The following CNGB3 variants were observed in gnomAD, a reference collection of about 807,000 sequenced individuals.
CNGB3 encodes the protein cyclic nucleotide gated channel subunit beta 3.
CNGB3 carries 86 observed loss-of-function variants against 92.8 expected under a neutral mutation model. The ratio of observed to expected loss-of-function variants is 0.93; its 90% CI spans 0.78 to 1.11. The LOEUF (loss-of-function observed/expected upper bound fraction) is 1.11, where lower values mean the gene tolerates loss of function less well. Ranked by LOEUF, CNGB3 falls within the 50% of genes least tolerant of loss-of-function variation. CNGB3 has a pLI of 0.00. For missense variants in CNGB3, 1,026 were observed against 956.8 expected (o/e 1.07, Z -0.95); for synonymous variants, 333 against 332.7 (o/e 1.00, Z -0.01).
chr8:86,580,349 A>C (rs1821740043), intron 15 of CNGB3, among the ~76,000 whole-genome samples: 1 of 152,204 alleles, frequency 6.6e-6, no homozygotes, highest in African/African-American at 2.4e-5. Flanking sequence ...CACTTCTGTC[A>C]GTAATCTCTT....
chr8:86,674,295 A>G (rs1301189006), intron 3 of CNGB3, among the ~76,000 whole-genome samples: 21 of 152,256 alleles, frequency 1.4e-4, no homozygotes. Context: ...GTAGTGTGCA[A>G]ACCCACCTCA....
intron 3 of CNGB3, among the ~76,000 whole-genome samples, chr8:86,683,080 G>A (rs1400746783): frequency 6.6e-5 from 10 of 152,034 alleles, no homozygotes; most frequent in Admixed American, 6.6e-4. Context: ...TTCCTTGACT[G>A]GAAAATATTT....
chr8:86,618,139 C>T (rs779383432), intron 13 of CNGB3, among the ~76,000 whole-genome samples: 1 of 152,182 alleles, frequency 6.6e-6, no homozygotes. Flanking sequence ...TCTAATGCCA[C>T]TGCTGATCTG....
At chr8:86,584,262 T>A (rs773636175) in intron 15 of CNGB3, among the ~76,000 whole-genome samples, 1 of 152,194 alleles carries the variant, frequency 6.6e-6, no homozygotes, top group Non-Finnish European at 1.5e-5. Context: ...AGGACAATGA[T>A]TGGATGAGTC....
At chr8:86,691,343 T>C (rs4960989) in intron 3 of CNGB3, among the ~76,000 whole-genome samples, 105,196 of 152,012 alleles carry the variant, frequency 0.69, 37,245 homozygotes, top group African/African-American at 0.84. Flanking sequence ...TTCTTCTTTA[T>C]CAATTTGGAT....
chr8:86,595,826 A>G (rs1229424187), intron 15 of CNGB3, among the ~76,000 whole-genome samples: 1 of 152,236 alleles, frequency 6.6e-6, no homozygotes, highest in Non-Finnish European at 1.5e-5. Flanking sequence ...ATAGACAATA[A>G]TGATTTAAAG....
At chr8:86,664,319 A>G (rs1236081592) in intron 6 of CNGB3, among the ~76,000 whole-genome samples, 2 of 152,256 alleles carry the variant, frequency 1.3e-5, no homozygotes, top group African/African-American at 4.8e-5. Flanking sequence ...CCTTCTGAAG[A>G]TTCAACAGAA....
chr8:86,612,294 T>C (rs1287553873), intron 13 of CNGB3, among the ~76,000 whole-genome samples: 2 of 152,184 alleles, frequency 1.3e-5, no homozygotes, highest in African/African-American at 4.8e-5. Context: ...GGTCTGTATT[T>C]GTCATCTGTT....
chr8:86,624,378 C>T (rs1822802893), intron 13 of CNGB3, among the ~76,000 whole-genome samples: 1 of 152,186 alleles, frequency 6.6e-6, no homozygotes, highest in Non-Finnish European at 1.5e-5. Context: ...GGGATTGTGT[C>T]ACTGTACTCC....
intron 3 of CNGB3, among the ~76,000 whole-genome samples, chr8:86,696,951 A>G (rs969324880): frequency 3.3e-5 from 5 of 152,334 alleles, no homozygotes; most frequent in Admixed American, 1.3e-4. Context: ...CCTCATGATA[A>G]GCTCAAATCA....
At chr8:86,615,874 G>A (rs1822610941) in intron 13 of CNGB3, among the ~76,000 whole-genome samples, 1 of 152,068 alleles carries the variant, frequency 6.6e-6, no homozygotes, top group Non-Finnish European at 1.5e-5. Flanking sequence ...TGGGTTTGGG[G>A]AGAACTGATG....
chr8:86,725,679 C>T (rs1179143634), intron 3 of CNGB3, among the ~76,000 whole-genome samples: 2 of 152,082 alleles, frequency 1.3e-5, no homozygotes, highest in East Asian at 1.9e-4. Context: ...TAGATAATCA[C>T]GATGACTTCT....
chr8:86,690,820 T>C (rs889259612), intron 3 of CNGB3, among the ~76,000 whole-genome samples: 1 of 152,222 alleles, frequency 6.6e-6, no homozygotes, highest in Non-Finnish European at 1.5e-5. Flanking sequence ...TAGGGAATCC[T>C]TTCCCCATTT....
At chr8:86,661,893 AT>A in intron 6 of CNGB3, 1 of 862,982 alleles carries the variant, frequency 1.2e-6, no homozygotes, top group South Asian at 1.4e-5. Context: ...CACAAACCAT[AT>A]TGGTGAAAAA....
chr8:86,708,834 G>T (rs1824698720), intron 3 of CNGB3, among the ~76,000 whole-genome samples: 1 of 152,070 alleles, frequency 6.6e-6, no homozygotes, highest in African/African-American at 2.4e-5. Flanking sequence ...GCCAATAAAA[G>T]CTTTCATAAC....
intron 3 of CNGB3, among the ~76,000 whole-genome samples, chr8:86,679,634 T>A (rs960350579): frequency 6.6e-6 from 1 of 152,198 alleles, no homozygotes; most frequent in Non-Finnish European, 1.5e-5. Flanking sequence ...CGAGCAATTC[T>A]CCTGTCTCAG....
At chr8:86,692,027 C>T (rs1824329172) in intron 3 of CNGB3, among the ~76,000 whole-genome samples, 1 of 152,162 alleles carries the variant, frequency 6.6e-6, no homozygotes, top group African/African-American at 2.4e-5. Flanking sequence ...CATGTATTTG[C>T]ATGGCTTCGA....
chr8:86,651,160 G>T (rs537475229), intron 7 of CNGB3, among the ~76,000 whole-genome samples: 1 of 151,428 alleles, frequency 6.6e-6, no homozygotes, highest in African/African-American at 2.4e-5. Context: ...GACCAGAAGG[G>T]GGGGTGTGTT....
At chr8:86,577,118 T>C (rs571761771) in intron 17 of CNGB3, among the ~76,000 whole-genome samples, 2 of 143,846 alleles carry the variant, frequency 1.4e-5, no homozygotes, top group African/African-American at 2.6e-5. Flanking sequence ...CAAAGAAATA[T>C]GAAACCAAAA....
Sources: gnomAD v4.1 joint callset for allele counts (sites outside exome capture counted in the v4.1 genomes callset) on GRCh38, gnomAD v4.1.1 for gene constraint, MANE v1.5 for transcripts, NCBI Gene and HGNC (gene_info 2026-07-23, HGNC 2026-07-21) for gene names.